The following TENM3 variants were observed in gnomAD, a reference collection of about 807,000 sequenced individuals.
TENM3 encodes teneurin-3.
TENM3 carries 63 observed loss-of-function variants against 255.1 expected under a neutral mutation model. The ratio of observed to expected loss-of-function variants is 0.25; its 90% CI spans 0.20 to 0.30. The LOEUF is 0.30. TENM3 is among the 10% of genes least tolerant of loss of function. TENM3 has a pLI of 1.00. For synonymous variants in TENM3, 1,306 were observed against 1,322.3 expected (o/e 0.99, Z 0.27); for missense variants, 2,929 against 3,461.1 (o/e 0.85, Z 3.86).
chr4:181,900,353 A>C, the TENM3 span, among the ~76,000 whole-genome samples: 2 of 152,190 alleles, frequency 1.3e-5, no homozygotes, highest in African/African-American at 4.8e-5. Flanking sequence ...GTTCACAAAA[A>C]CTTAAAGGAA....
rs1000098482 is a variant in TENM3 at position 182,384,106 on chromosome 4, G to A, written c.511+37177G>A. ...TACGGATAGTGTGTAGGGAAGGGACGTGAGAAAAGCCCTTGGACGTGACTC... is the reference window on the plus strand; with the variant it reads ...TACGGATAGTGTGTAGGGAAGGGACATGAGAAAAGCCCTTGGACGTGACTC... On this transcript the variant is annotated intron_variant, in intron 3 of 27. Coordinates refer to ENST00000511685, the MANE Select transcript of TENM3 (RefSeq NM_001080477.4). 3.3e-5 allele frequency among the ~76,000 whole-genome samples: 5 copies of A among 152,292 alleles called. No individual in the cohort carries two copies. In the East Asian group the frequency reaches 5.8e-4, roughly 18 times the overall value.
chr4:181,824,752 T>C, the TENM3 span, among the ~76,000 whole-genome samples: 1 of 151,576 alleles, frequency 6.6e-6, no homozygotes, highest in African/African-American at 2.4e-5. Flanking sequence ...CCTACAACAA[T>C]GGAAAAAAAA....
chr4:182,097,315 C>G, the TENM3 span, among the ~76,000 whole-genome samples: 1 of 152,174 alleles, frequency 6.6e-6, no homozygotes, highest in East Asian at 1.9e-4. Context: ...TCCATGTCAA[C>G]AACACTAGCC....
the TENM3 span, among the ~76,000 whole-genome samples, chr4:182,131,746 T>A: frequency 6.6e-6 from 1 of 152,204 alleles, no homozygotes; most frequent in African/African-American, 2.4e-5. Context: ...CTACTGCTAT[T>A]CAGAACAATT....
At chr4:182,533,712 G>A (rs1040243321) in intron 3 of TENM3, among the ~76,000 whole-genome samples, 3 of 151,926 alleles carry the variant, frequency 2.0e-5, no homozygotes, top group Non-Finnish European at 4.4e-5. Context: ...TCAGGAGTTC[G>A]AGACCAGCCT....
At chr4:182,386,945 G>A (rs1212409126) in intron 3 of TENM3, among the ~76,000 whole-genome samples, 4 of 152,238 alleles carry the variant, frequency 2.6e-5, no homozygotes, top group Non-Finnish European at 5.9e-5. Context: ...AGCACATGGC[G>A]CGGGGCTGGC....
At chr4:181,982,123 G>T in the TENM3 span, among the ~76,000 whole-genome samples, 1 of 152,072 alleles carries the variant, frequency 6.6e-6, no homozygotes, top group Non-Finnish European at 1.5e-5. Context: ...GAGTAGAAGA[G>T]AAAACAATGT....
chr4:181,843,788 T>C, the TENM3 span, among the ~76,000 whole-genome samples: 1 of 149,032 alleles, frequency 6.7e-6, no homozygotes, highest in Non-Finnish European at 1.5e-5. Context: ...GGCGTGATCT[T>C]GGCTCACTGC....
chr4:181,938,341 C>T, the TENM3 span, among the ~76,000 whole-genome samples: 1 of 152,154 alleles, frequency 6.6e-6, no homozygotes, highest in South Asian at 2.1e-4. Context: ...ACATCTCTTA[C>T]CAACTGTACT....
chr4:182,629,046 A>C (rs1751103106), intron 5 of TENM3, among the ~76,000 whole-genome samples, 157 bp downstream of exon 5: 1 of 152,150 alleles, frequency 6.6e-6, no homozygotes, highest in African/African-American at 2.4e-5. Flanking sequence ...GAGTATTTTC[A>C]GTAATTTTCA....
chr4:181,975,900 G>C, the TENM3 span: 2 of 152,116 alleles, frequency 1.3e-5, no homozygotes, highest in Non-Finnish European at 2.9e-5. Context: ...CAGTTCTAGT[G>C]GCTACAAGTC....
chr4:182,250,981 A>G (rs1312023903), intron 1 of TENM3, among the ~76,000 whole-genome samples: 2 of 152,220 alleles, frequency 1.3e-5, no homozygotes, highest in Non-Finnish European at 2.9e-5. Context: ...TTAACTATCT[A>G]AAGGCTCTAA....
At chr4:182,013,977 CGTGTATATACGT>C in the TENM3 span, among the ~76,000 whole-genome samples, 1 of 105,430 alleles carries the variant, frequency 9.5e-6, no homozygotes, top group Non-Finnish European at 1.9e-5. Flanking sequence ...CGTATATATA[CGTGTATATACGT>C]ATATACACAT....
At chr4:181,935,843 A>G in the TENM3 span, among the ~76,000 whole-genome samples, 1 of 152,144 alleles carries the variant, frequency 6.6e-6, no homozygotes, top group Non-Finnish European at 1.5e-5. Flanking sequence ...AATCTCCCCT[A>G]TTCTTGAAGC....
intron 4 of TENM3, among the ~76,000 whole-genome samples, chr4:182,604,801 C>CGGAA (rs1180905977): frequency 1.3e-5 from 2 of 151,982 alleles, no homozygotes; most frequent in African/African-American, 4.8e-5. Context: ...AGTTATGTTC[C>CGGAA]CATAGCTTTT....
At chr4:182,790,233 GAGCATGGCACCACCAGTTACCC>G (rs1765994019) in intron 25 of TENM3, among the ~76,000 whole-genome samples, 1 of 152,098 alleles carries the variant, frequency 6.6e-6, no homozygotes, top group Non-Finnish European at 1.5e-5. Flanking sequence ...TCAGACCCCA[GAGCATGGCACCACCAGTTACCC>G]AGCAGCGCGT....
the TENM3 span, among the ~76,000 whole-genome samples, chr4:182,084,064 T>TC: frequency 6.6e-6 from 1 of 152,220 alleles, no homozygotes; most frequent in Admixed American, 6.5e-5. Context: ...CCATTTTTTT[T>TC]CTCTTCTGAT....
intron 3 of TENM3, among the ~76,000 whole-genome samples, chr4:182,480,627 T>C (rs1297767220): frequency 2.6e-5 from 4 of 152,148 alleles, no homozygotes; most frequent in Non-Finnish European, 5.9e-5. Flanking sequence ...AATTTGGTTC[T>C]AATTCTATTT....
intron 16 of TENM3, among the ~76,000 whole-genome samples, chr4:182,731,796 T>A (rs528786409): frequency 6.6e-6 from 1 of 151,258 alleles, no homozygotes; most frequent in South Asian, 2.1e-4. Context: ...CTTTTTTTTT[T>A]TTTGAGACGG....
Sources: gnomAD v4.1 joint callset for allele counts (sites outside exome capture counted in the v4.1 genomes callset) on GRCh38, gnomAD v4.1.1 for gene constraint, MANE v1.5 for transcripts, NCBI Gene and HGNC (gene_info 2026-07-23, HGNC 2026-07-21) for gene names.